UNC5C: variants seen among roughly 807,000 people sequenced by gnomAD.
UNC5C encodes netrin receptor UNC5C.
In UNC5C, 47 loss-of-function variants were observed where a neutral mutation model predicts 99.8. The observed-to-expected ratio is 0.47, with a 90% CI of 0.37 to 0.60. The LOEUF (loss-of-function observed/expected upper bound fraction) is 0.60, where lower values mean the gene tolerates loss of function less well. Among genes scored for constraint, UNC5C ranks in the 20% least tolerant of loss-of-function variants. The probability of loss-of-function intolerance (pLI) is 0.00; values close to 1 mark genes in which losing one functional copy is unlikely to be tolerated. For synonymous variants in UNC5C, 487 were observed against 452.2 expected (o/e 1.08, Z -0.98); for missense variants, 1,062 against 1,165.9 (o/e 0.91, Z 1.30).
chr4:95,378,260 ATG>A (rs1744956266), intron 1 of UNC5C, among the ~76,000 whole-genome samples: 1 of 152,208 alleles, frequency 6.6e-6, no homozygotes, highest in African/African-American at 2.4e-5. Flanking sequence ...TAAATGCAAA[ATG>A]TAACTCACTT....
chr4:95,179,407 A>AACTT (rs918303938), intron 14 of UNC5C, among the ~76,000 whole-genome samples: 31 of 152,230 alleles, frequency 2.0e-4, no homozygotes, highest in Non-Finnish European at 2.2e-4. Context: ...GCAAATATAA[A>AACTT]ACTTAATTAT....
At chr4:95,392,975 C>T (rs907035619) in intron 1 of UNC5C, among the ~76,000 whole-genome samples, 1 of 152,066 alleles carries the variant, frequency 6.6e-6, no homozygotes, top group Non-Finnish European at 1.5e-5. Context: ...TCTCACATTC[C>T]CCCAGGGAAA....
chr4:95,413,927 G>A (rs1037864632), intron 1 of UNC5C, among the ~76,000 whole-genome samples: 3 of 152,212 alleles, frequency 2.0e-5, no homozygotes, highest in African/African-American at 7.2e-5. Flanking sequence ...TGGGAAGGTT[G>A]TGTCTTTACC....
chr4:95,326,052 G>A (rs1742872737), intron 2 of UNC5C, among the ~76,000 whole-genome samples: 1 of 152,138 alleles, frequency 6.6e-6, no homozygotes, highest in African/African-American at 2.4e-5. Flanking sequence ...TCCTGGCTGT[G>A]TCACTTCCTC....
intron 12 of UNC5C, among the ~76,000 whole-genome samples, chr4:95,198,652 A>G (rs1412664427): frequency 6.6e-6 from 1 of 152,088 alleles, no homozygotes; most frequent in Admixed American, 6.5e-5. Flanking sequence ...TAGAAGTAGA[A>G]CCATCCAGCC....
rs1397360570 is a variant in UNC5C, at chr4:95,184,094, GA to G, written c.2286+952del. ...GACAACTGCAACACAGAGGAAAGAA[GA>G]AAGCAAAGAAAGAGGTATACTGAGT... On this transcript the variant is annotated intron_variant, in intron 13 of 15. Transcript: ENST00000453304. Among the ~76,000 whole-genome samples the G allele has an allele frequency of 2.0e-5, 3 of 152,200 alleles. No homozygotes were observed. In the East Asian group the frequency reaches 5.8e-4, roughly 29 times the overall value.
intron 1 of UNC5C, among the ~76,000 whole-genome samples, chr4:95,453,455 G>T (rs1156917796): frequency 6.6e-6 from 1 of 150,476 alleles, no homozygotes; most frequent in East Asian, 2.0e-4. Flanking sequence ...ATCAGACATC[G>T]GGAGGAAAAG....
chr4:95,509,078 C>A (rs1055024488), intron 1 of UNC5C, among the ~76,000 whole-genome samples: 1 of 151,622 alleles, frequency 6.6e-6, no homozygotes, highest in Non-Finnish European at 1.5e-5. Context: ...AATTTTCTAA[C>A]AAGTAGGAAT....
intron 2 of UNC5C, among the ~76,000 whole-genome samples, chr4:95,311,924 A>G (rs1210743927): frequency 6.6e-6 from 1 of 151,988 alleles, no homozygotes; most frequent in African/African-American, 2.4e-5. Context: ...GTGTATGCCT[A>G]CAGTACTAGC....
chr4:95,420,758 C>T (rs1023659198), intron 1 of UNC5C, among the ~76,000 whole-genome samples: 34 of 152,088 alleles, frequency 2.2e-4, no homozygotes, highest in African/African-American at 8.2e-4. Context: ...GGAAAAGATA[C>T]ATGAGACTCA....
intron 1 of UNC5C, among the ~76,000 whole-genome samples, chr4:95,499,737 G>T (rs945843711): frequency 7.2e-5 from 11 of 152,046 alleles, no homozygotes; most frequent in Non-Finnish European, 1.5e-4. Context: ...CTTGATCACA[G>T]GTATCTGCCA....
chr4:95,180,148 A>G (rs954887174), intron 14 of UNC5C, among the ~76,000 whole-genome samples: 1 of 152,102 alleles, frequency 6.6e-6, no homozygotes, highest in African/African-American at 2.4e-5. Context: ...TTACTAACAA[A>G]CATTCTCCCA....
At chr4:95,257,471 T>C (rs1740045780) in intron 4 of UNC5C, among the ~76,000 whole-genome samples, 1 of 151,706 alleles carries the variant, frequency 6.6e-6, no homozygotes, top group South Asian at 2.1e-4. Context: ...AAAAATGGAT[T>C]CAGACAATAA....
At chr4:95,173,689 G>A (rs1294535607) in intron 14 of UNC5C, among the ~76,000 whole-genome samples, 22 of 151,532 alleles carry the variant, frequency 1.5e-4, no homozygotes, top group Admixed American at 1.4e-3. Flanking sequence ...CAAGGATATT[G>A]GTCTAAAATT....
intron 7 of UNC5C, among the ~76,000 whole-genome samples, chr4:95,223,059 C>A (rs948804830): frequency 1.8e-4 from 28 of 152,052 alleles, no homozygotes; most frequent in Non-Finnish European, 2.9e-5. Context: ...ATTTCTCTTC[C>A]TTTTTAGTGT....
At chr4:95,394,840 AT>A (rs780823104) in intron 1 of UNC5C, among the ~76,000 whole-genome samples, 71 of 150,106 alleles carry the variant, frequency 4.7e-4, no homozygotes, top group South Asian at 8.5e-4. Context: ...AAAAAAAAAA[AT>A]AACTTCACTC....
intron 2 of UNC5C, among the ~76,000 whole-genome samples, chr4:95,311,011 T>A (rs1476002924): frequency 6.6e-6 from 1 of 152,226 alleles, no homozygotes; most frequent in Non-Finnish European, 1.5e-5. Flanking sequence ...CTAGGCCTTC[T>A]ATTTTTGATT....
chr4:95,475,016 C>T (rs552346867), intron 1 of UNC5C, among the ~76,000 whole-genome samples: 3 of 152,182 alleles, frequency 2.0e-5, no homozygotes, highest in South Asian at 4.1e-4. Flanking sequence ...ATCTTCTCCC[C>T]TTGCTTGCAC....
intron 1 of UNC5C, among the ~76,000 whole-genome samples, chr4:95,358,463 A>C (rs1183904902): frequency 2.6e-5 from 4 of 152,208 alleles, no homozygotes; most frequent in Non-Finnish European, 5.9e-5. Flanking sequence ...GAAGATGGTA[A>C]GGGTATGAGT....
Sources: allele counts gnomAD v4.1 joint callset (sites outside exome capture counted in the v4.1 genomes callset), GRCh38; gene constraint gnomAD v4.1.1; transcripts MANE v1.5; gene names NCBI Gene and HGNC (gene_info 2026-07-23, HGNC 2026-07-21).